CALN1: variants seen among roughly 807,000 people sequenced by gnomAD.
CALN1 encodes calcium-binding protein 8.
CALN1 carries 17 observed loss-of-function variants against 30.6 expected under a neutral mutation model. That is an observed-to-expected ratio of 0.56 (90% CI 0.38 to 0.83). CALN1 has a LOEUF of 0.83. CALN1 is among the 40% of genes least tolerant of loss of function. The pLI is 0.00. For missense variants in CALN1, 291 were observed against 354.9 expected, an observed-to-expected ratio of 0.82 and a Z score of 1.45; for synonymous variants, 156 against 131.4, an observed-to-expected ratio of 1.19 and a Z score of -1.28.
chr7:71,993,722 G>A (rs1467945995), intron 5 of CALN1, among the ~76,000 whole-genome samples: 2 of 152,120 alleles, frequency 1.3e-5, no homozygotes, highest in Non-Finnish European at 2.9e-5. Context: ...CTCCCAAAGT[G>A]CTGGGATTAC....
chr7:72,177,744 G>A (rs1392821808), intron 3 of CALN1, among the ~76,000 whole-genome samples: 2 of 99,616 alleles, frequency 2.0e-5, no homozygotes, highest in African/African-American at 4.0e-5. Flanking sequence ...CAGCCTGGGC[G>A]ACAGAGGGAA....
intron 5 of CALN1, among the ~76,000 whole-genome samples, chr7:71,987,772 C>T (rs1179210029): frequency 6.6e-6 from 1 of 152,204 alleles, no homozygotes. Context: ...ATGTCTAAAT[C>T]TTTCCGGATA....
chr7:72,179,497 T>C (rs144788355), intron 3 of CALN1, among the ~76,000 whole-genome samples: 44 of 152,242 alleles, frequency 2.9e-4, no homozygotes, highest in African/African-American at 1.0e-3. Context: ...GAGAATCTTG[T>C]CTCATTATAC....
chr7:71,917,261 T>G (rs1487804212), intron 5 of CALN1, among the ~76,000 whole-genome samples: 1 of 152,004 alleles, frequency 6.6e-6, no homozygotes, highest in African/African-American at 2.4e-5. Flanking sequence ...TTGCCAGAGG[T>G]CAAAGGGTGG....
At chr7:72,160,235 C>T (rs1788001840) in intron 3 of CALN1, among the ~76,000 whole-genome samples, 1 of 151,910 alleles carries the variant, frequency 6.6e-6, no homozygotes, top group African/African-American at 2.4e-5. Flanking sequence ...GAAGAGACAT[C>T]CGTCATAATC....
chr7:72,389,523 C>T (rs901601346), intron 2 of CALN1, among the ~76,000 whole-genome samples: 2 of 152,162 alleles, frequency 1.3e-5, no homozygotes, highest in African/African-American at 4.8e-5. Context: ...TTTCACTGCC[C>T]GTGAAGCATG....
the CALN1 span, among the ~76,000 whole-genome samples, chr7:72,453,103 A>C: frequency 0.29 from 43,920 of 152,142 alleles, 7,571 homozygotes; most frequent in African/African-American, 0.47. Context: ...ATCACATCTT[A>C]CTTTTCTTTC....
At chr7:72,316,199 G>T (rs1800435021) in intron 2 of CALN1, among the ~76,000 whole-genome samples, 1 of 151,806 alleles carries the variant, frequency 6.6e-6, no homozygotes, top group African/African-American at 2.4e-5. Context: ...AATACTTACA[G>T]ATGTGCAATA....
intron 2 of CALN1, among the ~76,000 whole-genome samples, chr7:72,331,888 T>C (rs1159564833): frequency 3.9e-5 from 6 of 152,132 alleles, no homozygotes; most frequent in South Asian, 2.1e-4. Flanking sequence ...CCAGTGTGTT[T>C]GTGCATCCCC....
intron 4 of CALN1, among the ~76,000 whole-genome samples, chr7:72,089,580 G>T (rs115102928): frequency 6.6e-6 from 1 of 152,086 alleles, no homozygotes; most frequent in Non-Finnish European, 1.5e-5. Context: ...ATCGTGTACC[G>T]TATTCCTGGA....
chr7:72,195,633 G>GTAA (rs1790935251), intron 3 of CALN1, among the ~76,000 whole-genome samples: 1 of 151,990 alleles, frequency 6.6e-6, no homozygotes, highest in African/African-American at 2.4e-5. Context: ...TCCCTACTTA[G>GTAA]CCTCCCAAAG....
intron 1 of CALN1, among the ~76,000 whole-genome samples, chr7:72,420,153 C>T (rs142153393): frequency 5.1e-4 from 78 of 152,284 alleles, no homozygotes; most frequent in African/African-American, 1.9e-3. Flanking sequence ...GTTAGATGCT[C>T]ACATTAACCC....
chr7:72,311,192 G>T (rs752487965), intron 2 of CALN1, among the ~76,000 whole-genome samples: 1 of 151,914 alleles, frequency 6.6e-6, no homozygotes, highest in African/African-American at 2.4e-5. Context: ...TCCATTTAAC[G>T]AATAGTAATA....
intron 3 of CALN1, among the ~76,000 whole-genome samples, chr7:72,224,194 AT>A (rs1308026349): frequency 1.3e-5 from 2 of 152,196 alleles, no homozygotes; most frequent in East Asian, 3.8e-4. Flanking sequence ...AGTTGAAATT[AT>A]TTTTTAAATT....
At chr7:72,392,663 G>A (rs998538105) in intron 2 of CALN1, among the ~76,000 whole-genome samples, 1 of 152,126 alleles carries the variant, frequency 6.6e-6, no homozygotes, top group African/African-American at 2.4e-5. Flanking sequence ...TTTCTCAATA[G>A]GAGCAAAATC....
intron 3 of CALN1, among the ~76,000 whole-genome samples, chr7:72,106,572 AGAGG>A (rs1455420675): frequency 1.4e-5 from 2 of 147,834 alleles, no homozygotes; most frequent in Admixed American, 6.8e-5. Context: ...AGAGAGAAAA[AGAGG>A]AAGGTGGAAG....
intron 3 of CALN1, among the ~76,000 whole-genome samples, chr7:72,196,075 T>C (rs965163573): frequency 4.0e-5 from 6 of 151,870 alleles, no homozygotes; most frequent in African/African-American, 9.7e-5. Context: ...TATGGCGAGA[T>C]TGGAGGAGTG....
At chr7:72,048,671 CTCCT>C (rs995988870) in intron 4 of CALN1, among the ~76,000 whole-genome samples, 8 of 151,136 alleles carry the variant, frequency 5.3e-5, no homozygotes, top group Non-Finnish European at 8.8e-5. Context: ...CCTCCCTTCC[CTCCT>C]TCCTTGTCTG....
chr7:71,874,336 A>G, intron 5 of CALN1, among the ~76,000 whole-genome samples: 1 of 152,098 alleles, frequency 6.6e-6, no homozygotes, highest in Non-Finnish European at 1.5e-5. Flanking sequence ...TAGGAACAGA[A>G]AGATTCATCC....
Sources: allele counts gnomAD v4.1 joint callset (sites outside exome capture counted in the v4.1 genomes callset), GRCh38; gene constraint gnomAD v4.1.1; transcripts MANE v1.5; gene names NCBI Gene and HGNC (gene_info 2026-07-23, HGNC 2026-07-21).